SHISA9: variants seen among roughly 807,000 people sequenced by gnomAD.
SHISA9 encodes the protein shisa family member 9.
In SHISA9, 13 loss-of-function variants were observed where a neutral mutation model predicts 38.0. The ratio of observed to expected loss-of-function variants is 0.34; its 90% confidence interval spans 0.22 to 0.54. The LOEUF is 0.54. SHISA9 is among the 20% of genes least tolerant of loss of function. SHISA9 has a pLI of 0.91. For missense variants in SHISA9, 538 were observed against 575.8 expected (o/e 0.93, Z 0.67); for synonymous variants, 275 against 242.0 (o/e 1.14, Z -1.27).
At chr16:13,378,318 T>C in the SHISA9 span, among the ~76,000 whole-genome samples, 1 of 152,164 alleles carries the variant, frequency 6.6e-6, no homozygotes, top group Non-Finnish European at 1.5e-5. Context: ...TGTTTTACTG[T>C]GTGTTGGTTT....
chr16:13,016,504 A>C (rs2072759195), intron 2 of SHISA9, among the ~76,000 whole-genome samples: 1 of 152,188 alleles, frequency 6.6e-6, no homozygotes, highest in Admixed American at 6.5e-5. Flanking sequence ...GGCAGAGAAT[A>C]TTAATGCCTC....
At chr16:12,976,926 A>G (rs1339272139) in intron 2 of SHISA9, among the ~76,000 whole-genome samples, 1 of 152,212 alleles carries the variant, frequency 6.6e-6, no homozygotes, top group African/African-American at 2.4e-5. Context: ...GCACTTAACA[A>G]TGAATCAAAA....
At chr16:13,380,504 G>C in the SHISA9 span, among the ~76,000 whole-genome samples, 1 of 152,148 alleles carries the variant, frequency 6.6e-6, no homozygotes, top group African/African-American at 2.4e-5. Context: ...ATAATTTCCA[G>C]ATTAGAATTC....
the SHISA9 span, among the ~76,000 whole-genome samples, chr16:13,394,328 G>A: frequency 6.6e-6 from 1 of 152,326 alleles, no homozygotes; most frequent in Admixed American, 6.5e-5. Flanking sequence ...GTGAGTTTGA[G>A]AGGTCTTTGC....
chr16:13,339,820 A>G, the SHISA9 span, among the ~76,000 whole-genome samples: 82 of 152,334 alleles, frequency 5.4e-4, no homozygotes, highest in African/African-American at 1.9e-3. Context: ...ATGTGGAGAT[A>G]ATAACACTAT....
chr16:13,024,510 T>C (rs1318650853), intron 2 of SHISA9, among the ~76,000 whole-genome samples: 4 of 152,204 alleles, frequency 2.6e-5, no homozygotes, highest in Non-Finnish European at 5.9e-5. Flanking sequence ...CCCATACATA[T>C]GTATTAAAGG....
At chr16:13,231,321 A>C (rs2142085217) in intron 4 of SHISA9, among the ~76,000 whole-genome samples, 1 of 152,342 alleles carries the variant, frequency 6.6e-6, no homozygotes, top group Non-Finnish European at 1.5e-5. Context: ...ATGCTGTTGA[A>C]TCCAGGAGGT....
chr16:13,485,100 G>A, the SHISA9 span, among the ~76,000 whole-genome samples: 1 of 151,594 alleles, frequency 6.6e-6, no homozygotes, highest in South Asian at 2.1e-4. Context: ...AGGTATGAAT[G>A]TGCCATGGTG....
chr16:13,099,385 T>C (rs984390464), intron 2 of SHISA9, among the ~76,000 whole-genome samples: 2 of 151,954 alleles, frequency 1.3e-5, no homozygotes, highest in Non-Finnish European at 2.9e-5. Context: ...TATAAGAAGG[T>C]AGCAAGCACA....
chr16:13,334,716 G>T, the SHISA9 span, among the ~76,000 whole-genome samples: 1 of 147,968 alleles, frequency 6.8e-6, no homozygotes, highest in East Asian at 2.0e-4. Context: ...AGAGGTTGCA[G>T]TGAGCTGAGA....
the SHISA9 span, among the ~76,000 whole-genome samples, chr16:13,358,025 G>A: frequency 6.6e-6 from 1 of 152,170 alleles, no homozygotes; most frequent in Non-Finnish European, 1.5e-5. Flanking sequence ...AGGTCACAGG[G>A]GATGTGATGG....
chr16:13,174,088 C>G (rs2050711355), intron 2 of SHISA9, among the ~76,000 whole-genome samples: 1 of 152,162 alleles, frequency 6.6e-6, no homozygotes. Flanking sequence ...AAATGAGCGG[C>G]TGGACTGGTT....
the SHISA9 span, among the ~76,000 whole-genome samples, chr16:13,477,201 T>C: frequency 3.9e-5 from 6 of 152,170 alleles, no homozygotes; most frequent in Admixed American, 3.9e-4. Flanking sequence ...AAGGACCCCA[T>C]TGTCTAGTTG....
intron 2 of SHISA9, among the ~76,000 whole-genome samples, chr16:12,955,454 T>A (rs1000743270): frequency 2.0e-5 from 3 of 152,068 alleles, no homozygotes; most frequent in Non-Finnish European, 4.4e-5. Flanking sequence ...GACAAACTCA[T>A]GTCCCAAAGA....
the SHISA9 span, among the ~76,000 whole-genome samples, chr16:13,256,573 C>A: frequency 1.3e-5 from 2 of 152,218 alleles, 1 homozygote; most frequent in South Asian, 4.1e-4. Context: ...AGCCACTGCA[C>A]CTGGCCGTAT....
intron 2 of SHISA9, among the ~76,000 whole-genome samples, chr16:13,018,129 C>G (rs1467686494): frequency 6.6e-6 from 1 of 152,204 alleles, no homozygotes. Flanking sequence ...GGAGCCTTGA[C>G]CAGGTCAGCT....
chr16:13,048,513 C>T (rs543772791), intron 2 of SHISA9, among the ~76,000 whole-genome samples: 78 of 152,306 alleles, frequency 5.1e-4, no homozygotes, highest in African/African-American at 1.9e-3. Context: ...CCTCCACCTC[C>T]CAGGTTCAAG....
the SHISA9 span, among the ~76,000 whole-genome samples, chr16:13,255,984 C>A: frequency 3.9e-5 from 6 of 152,160 alleles, no homozygotes; most frequent in African/African-American, 1.4e-4. Flanking sequence ...CATATAACAA[C>A]CTTCCTCACC....
intron 2 of SHISA9, among the ~76,000 whole-genome samples, chr16:13,140,916 A>G (rs1288093953): frequency 6.6e-6 from 1 of 152,216 alleles, no homozygotes; most frequent in African/African-American, 2.4e-5. Context: ...ACTTAGGATT[A>G]TCTAGAAATA....
Sources: allele counts gnomAD v4.1 joint callset (sites outside exome capture counted in the v4.1 genomes callset), GRCh38; gene constraint gnomAD v4.1.1; transcripts MANE v1.5; gene names NCBI Gene and HGNC (gene_info 2026-07-23, HGNC 2026-07-21).